Variants in EXOC2 observed in about 807,000 individuals in gnomAD.
EXOC2 encodes SEC5-like 1.
Under a neutral mutation model 131.8 loss-of-function variants are expected in EXOC2, and 70 were observed. The ratio of observed to expected loss-of-function variants is 0.53; its 90% CI spans 0.44 to 0.65. The LOEUF (loss-of-function observed/expected upper bound fraction) is 0.65. Ranked by LOEUF, EXOC2 falls within the 30% of genes least tolerant of loss-of-function variation. The probability of loss-of-function intolerance (pLI) is 0.00; values close to 1 mark genes in which losing one functional copy is unlikely to be tolerated. For missense variants in EXOC2, 923 were observed against 1,108.6 expected (o/e 0.83, Z 2.38); for synonymous variants, 411 against 398.4 (o/e 1.03, Z -0.38).
At chr6:507,187 ACCCC>A (rs36153435) in intron 23 of EXOC2, among the ~76,000 whole-genome samples, 2 of 15,092 alleles carry the variant, frequency 1.3e-4, no homozygotes, top group Non-Finnish European at 3.4e-4. Flanking sequence ...CACAGCAGTG[ACCCC>A]CCCCACACAC....
At chr6:557,599 C>G (rs1447031444) in intron 17 of EXOC2, among the ~76,000 whole-genome samples, 1 of 111,790 alleles carries the variant, frequency 8.9e-6, no homozygotes, top group African/African-American at 3.6e-5. Context: ...GCCTGGGTGA[C>G]AGAGAGAGAC....
At chr6:666,322 G>T (rs1365128297) in intron 1 of EXOC2, among the ~76,000 whole-genome samples, 1 of 152,144 alleles carries the variant, frequency 6.6e-6, no homozygotes, top group Admixed American at 6.5e-5. Flanking sequence ...AAAACCATTG[G>T]AAAATATGTA....
At chr6:642,644 T>C (rs915710865) in intron 1 of EXOC2, among the ~76,000 whole-genome samples, 1 of 152,186 alleles carries the variant, frequency 6.6e-6, no homozygotes, top group Non-Finnish European at 1.5e-5. Flanking sequence ...GTAATCATAA[T>C]GAATAAACAG....
In EXOC2 at chr6:506,644, T is replaced by G. The variant is rs1458592107; in HGVS notation, c.2381-6944A>C. 6.6e-6 allele frequency among the ~76,000 whole-genome samples: 1 copy of G among 151,886 alleles called. No homozygotes were observed. The highest frequency in any genetic ancestry group is 1.9e-4 in the East Asian group (1 of 5,204). On this transcript the variant is annotated intron_variant, in intron 23 of 27. Coordinates refer to ENST00000230449, the MANE Select transcript of EXOC2 (RefSeq NM_018303.6). The surrounding 1 kb of genome is among the most constrained non-coding windows in gnomAD (Gnocchi z 4.4). ...ATGTGTCATGATATTTGACAAAAAG[T>G]GTCCCCACCCACACAGTATCAACCT...
At chr6:553,329 A>G (rs1561848776) in intron 21 of EXOC2, among the ~76,000 whole-genome samples, 1 of 152,060 alleles carries the variant, frequency 6.6e-6, no homozygotes, top group African/African-American at 2.4e-5. Flanking sequence ...CATTTTAAAA[A>G]GTGTGTGTGT....
At position 564,904 on chromosome 6, in the gene EXOC2, T is replaced by C. The variant is rs1757895263; in HGVS notation, c.1469A>G (p.Glu490Gly). 3.7e-6 allele frequency: 6 copies of C among 1,612,616 alleles called. No individual in the cohort carries two copies. The highest frequency in any genetic ancestry group is 5.1e-6 in the Non-Finnish European group (6 of 1,179,538). ...SETAEKSGQI[E>G]RSKNVRQRQN... Reference sequence around the variant, plus strand: ...TCTTTGCCTTACATTCTTTGATCTTTCAATCTGGCCTGACTTCTCAGCAGT... The same window carrying C: ...TCTTTGCCTTACATTCTTTGATCTTCCAATCTGGCCTGACTTCTCAGCAGT... Residue 490 changes from glutamate (E) to glycine (G), a missense_variant, in exon 14 of 28, where the codon GAA becomes GGA. Transcript: ENST00000230449.
At chr6:568,903 T>A (rs773453225) in intron 13 of EXOC2, among the ~76,000 whole-genome samples, 1 of 152,160 alleles carries the variant, frequency 6.6e-6, no homozygotes, top group Non-Finnish European at 1.5e-5. Context: ...CATGAGGAAA[T>A]GTACTGGACA....
At chr6:580,086 A>C (rs1581482926) in intron 11 of EXOC2, among the ~76,000 whole-genome samples, 1 of 150,410 alleles carries the variant, frequency 6.6e-6, no homozygotes, top group East Asian at 1.9e-4. Context: ...CTGTTGCCCA[A>C]GCTGGAGCCC....
chr6:659,533 T>C (rs1763315227), intron 1 of EXOC2, among the ~76,000 whole-genome samples: 1 of 152,018 alleles, frequency 6.6e-6, no homozygotes, highest in African/African-American at 2.4e-5. Context: ...CTCCAAATAC[T>C]GTGAGTGCCC....
At chr6:494,413 C>A (rs1763601529) in intron 25 of EXOC2, among the ~76,000 whole-genome samples, 1 of 150,146 alleles carries the variant, frequency 6.7e-6, no homozygotes, top group Non-Finnish European at 1.5e-5. Flanking sequence ...GTGTGCATAT[C>A]ATTAACTACA....
At chr6:595,012 TA>T (rs1759736185) in intron 10 of EXOC2, among the ~76,000 whole-genome samples, 1 of 150,480 alleles carries the variant, frequency 6.6e-6, no homozygotes, top group Non-Finnish European at 1.5e-5. Flanking sequence ...AATTTAAGAA[TA>T]AAGGAAGTTT....
At chr6:566,815 T>C (rs537768475) in intron 13 of EXOC2, among the ~76,000 whole-genome samples, 15 of 152,304 alleles carry the variant, frequency 9.8e-5, no homozygotes, top group South Asian at 6.2e-4. Context: ...TATGTGAATA[T>C]TGAATAACTC....
Position 670,756 on chromosome 6 carries a change from G to A in EXOC2, c.-44+22263C>T, listed in dbSNP as rs148824005. 6.7e-3 allele frequency among the ~76,000 whole-genome samples: 1,021 copies of A among 152,184 alleles called. 14 individuals carry two copies. The highest frequency in any genetic ancestry group is 0.023 in the African/African-American group (943 of 41,510). ...GCATCACATAAGAAAATGTTCTGTT[G>A]CATAAGACACAATAAGGTAATTATT... On this transcript the variant is annotated intron_variant, in intron 1 of 27. Coordinates refer to ENST00000230449, the MANE Select transcript of EXOC2 (RefSeq NM_018303.6).
intron 2 of EXOC2, among the ~76,000 whole-genome samples, chr6:635,672 CACTT>C (rs768574985): frequency 6.6e-6 from 1 of 151,912 alleles, no homozygotes; most frequent in African/African-American, 2.4e-5. Flanking sequence ...GAGTTAAAAA[CACTT>C]AAATTATTTA....
At chr6:627,730 TTA>T (rs1186841795) in intron 4 of EXOC2, among the ~76,000 whole-genome samples, 31 of 152,382 alleles carry the variant, frequency 2.0e-4, no homozygotes, top group African/African-American at 7.2e-4. Context: ...CTTTCCTTAA[TTA>T]TGAGTTAAAT....
intron 1 of EXOC2, among the ~76,000 whole-genome samples, chr6:683,002 C>T (rs972678409): frequency 7.9e-5 from 12 of 152,164 alleles, no homozygotes; most frequent in African/African-American, 2.7e-4. Context: ...GGCAAAGGTA[C>T]ACCAGGGCGA....
chr6:496,503 G>T (rs916288289), intron 25 of EXOC2, among the ~76,000 whole-genome samples: 4 of 152,114 alleles, frequency 2.6e-5, no homozygotes, highest in African/African-American at 9.7e-5. Context: ...CTCCTCTATG[G>T]GATACCTCTC....
At chr6:500,701 G>C (rs1248540201) in intron 23 of EXOC2, among the ~76,000 whole-genome samples, 1 of 152,086 alleles carries the variant, frequency 6.6e-6, no homozygotes, top group African/African-American at 2.4e-5. Context: ...GGAGATTCCA[G>C]ATGCCTTCTA....
intron 11 of EXOC2, among the ~76,000 whole-genome samples, chr6:582,494 G>A (rs906273187): frequency 1.3e-5 from 2 of 152,000 alleles, no homozygotes; most frequent in African/African-American, 4.8e-5. Context: ...ACAGCGGGCC[G>A]TTGTCCTGCA....
Sources: allele counts gnomAD v4.1 joint callset (sites outside exome capture counted in the v4.1 genomes callset), GRCh38; gene constraint gnomAD v4.1.1; non-coding constraint Gnocchi (gnomAD v3.1); transcripts MANE v1.5; gene names NCBI Gene and HGNC (gene_info 2026-07-23, HGNC 2026-07-21).